The following NELL1 variants were observed in gnomAD, a reference collection of about 807,000 sequenced individuals.
NELL1 encodes the protein protein kinase C-binding protein NELL1.
NELL1 carries 76 observed loss-of-function variants against 107.4 expected under a neutral mutation model. The observed-to-expected ratio is 0.71, with a 90% CI of 0.59 to 0.86. NELL1 has a LOEUF of 0.86. NELL1 is among the 40% of genes least tolerant of loss of function. NELL1 has a pLI of 0.00. For synonymous variants in NELL1, 353 were observed against 341.2 expected, an observed-to-expected ratio of 1.03 and a Z score of -0.38; for missense variants, 1,024 against 1,005.5, an observed-to-expected ratio of 1.02 and a Z score of -0.25.
chr11:20,841,373 A>C (rs1459359293), intron 3 of NELL1, among the ~76,000 whole-genome samples: 6 of 150,496 alleles, frequency 4.0e-5, no homozygotes, highest in Non-Finnish European at 7.4e-5. Context: ...CCTAGATTCA[A>C]GGGAACTGGG....
intron 12 of NELL1, among the ~76,000 whole-genome samples, chr11:20,973,101 C>CTTTTTTTTTTTTT (rs761894107): frequency 5.4e-5 from 5 of 92,494 alleles, no homozygotes; most frequent in Admixed American, 1.2e-4. Context: ...ATCTTCATTA[C>CTTTTTTTTTTTTT]TTTTTTTTTT....
At chr11:20,777,350 T>A (rs1369550344) in intron 2 of NELL1, among the ~76,000 whole-genome samples, 1 of 152,264 alleles carries the variant, frequency 6.6e-6, no homozygotes, top group Non-Finnish European at 1.5e-5. Context: ...TTGATTTCTC[T>A]CATTCCGGCT....
intron 5 of NELL1, among the ~76,000 whole-genome samples, chr11:20,895,788 G>A (rs1849724100): frequency 6.6e-6 from 1 of 152,088 alleles, no homozygotes; most frequent in South Asian, 2.1e-4. Context: ...TTACAGGCCT[G>A]AGCCACTGCG....
chr11:20,882,946 A>G (rs1189770628), intron 4 of NELL1, among the ~76,000 whole-genome samples: 1 of 152,140 alleles, frequency 6.6e-6, no homozygotes, highest in East Asian at 1.9e-4. Flanking sequence ...CTGTCTTTCA[A>G]TTGAGGTTTA....
At chr11:21,129,874 G>A (rs1245059268) in intron 13 of NELL1, among the ~76,000 whole-genome samples, 1 of 152,122 alleles carries the variant, frequency 6.6e-6, no homozygotes, top group South Asian at 2.1e-4. Flanking sequence ...TAATACCACT[G>A]AATTGTGCAC....
Position 21,536,961 on chromosome 11 carries a change from C to T in NELL1, c.1786+2447C>T, listed in dbSNP as rs1258026648. On this transcript the variant is annotated intron_variant, in intron 16 of 19. Coordinates refer to ENST00000357134, the MANE Select transcript of NELL1 (RefSeq NM_006157.5). The stretch of plus-strand genomic sequence containing the variant: ...GTAAAATTCCTGCACTCTCAAGGAG[C>T]GTCTTTCTTCATCTACAACCTGATC... Among the ~76,000 whole-genome samples, 4 of 152,250 alleles carry T rather than the reference C, an allele frequency of 2.6e-5. No individual in the cohort carries two copies. In the South Asian group the frequency reaches 6.2e-4, roughly 24 times the overall value.
intron 13 of NELL1, among the ~76,000 whole-genome samples, chr11:21,218,842 A>T (rs1477541415): frequency 6.6e-6 from 1 of 152,202 alleles, no homozygotes; most frequent in Non-Finnish European, 1.5e-5. Context: ...ATTACTTTGT[A>T]GTATTCCATT....
intron 14 of NELL1, among the ~76,000 whole-genome samples, chr11:21,304,048 T>G (rs897374184): frequency 1.3e-5 from 2 of 152,058 alleles, no homozygotes; most frequent in African/African-American, 4.8e-5. Flanking sequence ...TTAATACTCT[T>G]GCACTGGGGA....
rs544751611 is a variant in NELL1, at chr11:21,160,843, C to CT, written c.1426+47136dup. Among the ~76,000 whole-genome samples the CT allele has an allele frequency of 3.9e-4, 59 of 152,026 alleles. No individual in the cohort carries two copies. In the South Asian group the frequency reaches 0.011, roughly 29 times the overall value. On this transcript the variant is annotated intron_variant, in intron 13 of 19. Coordinates refer to ENST00000357134, the MANE Select transcript of NELL1 (RefSeq NM_006157.5). ...GCTCAGCTACAAATGGTAAGGTCAC[C>CT]TTTTTTTACTCCCTGCATGTAATAC...
intron 15 of NELL1, among the ~76,000 whole-genome samples, chr11:21,423,086 C>A (rs1465545712): frequency 6.6e-6 from 1 of 151,902 alleles, no homozygotes; most frequent in African/African-American, 2.4e-5. Context: ...ATAAAAGGTG[C>A]CCAAGCGCAG....
At position 21,048,123 on chromosome 11, in the gene NELL1, G is replaced by A. The variant is rs547976383; in HGVS notation, c.1301-65466G>A. Among the ~76,000 whole-genome samples, 10 of 138,120 alleles carry A rather than the reference G, an allele frequency of 7.2e-5. No individual in the cohort carries two copies. In the East Asian group the frequency reaches 1.8e-3, roughly 25 times the overall value. The allele number at this position is 138,120 out of a possible 152,430, so 90.6% of individuals were successfully genotyped here. A position where few individuals can be genotyped will look rare whatever the true frequency, so the allele number is the denominator to read the frequency against. On this transcript the variant is annotated intron_variant, in intron 12 of 19. Coordinates refer to ENST00000357134, the MANE Select transcript of NELL1 (RefSeq NM_006157.5). ...AGTAGACCCAGTTATGACTTATTAGGAAACATCCATTTTTTTTTCCTTAAC... is the reference window on the plus strand; with the variant it reads ...AGTAGACCCAGTTATGACTTATTAGAAAACATCCATTTTTTTTTCCTTAAC...
chr11:20,813,919 T>C lies in NELL1; in HGVS notation c.335+30089T>C, dbSNP rs951296473. Among the ~76,000 whole-genome samples the C allele has an allele frequency of 3.9e-5, 6 of 151,986 alleles. No individual in the cohort carries two copies. The East Asian group carries it at 9.6e-4, about 24-fold the overall frequency. ...TTGTCTTTATCACAACCAAGATATG[T>C]AGGTATTTTTTAAAATTTCAACTTT... On this transcript the variant is annotated intron_variant, in intron 3 of 19. Transcript: ENST00000357134.
intron 15 of NELL1, among the ~76,000 whole-genome samples, chr11:21,515,787 T>G (rs948770226): frequency 6.6e-6 from 1 of 152,182 alleles, no homozygotes; most frequent in Non-Finnish European, 1.5e-5. Flanking sequence ...ACTTTGATTT[T>G]GAAGCCAGAA....
intron 7 of NELL1, among the ~76,000 whole-genome samples, chr11:20,920,405 T>G (rs1391068054): frequency 6.6e-6 from 1 of 152,094 alleles, no homozygotes; most frequent in South Asian, 2.1e-4. Flanking sequence ...TGTTTCTATT[T>G]CAAACTGGGT....
chr11:20,760,887 C>G (rs145140355), intron 2 of NELL1, among the ~76,000 whole-genome samples: 66 of 152,310 alleles, frequency 4.3e-4, no homozygotes, highest in African/African-American at 1.6e-3. Context: ...CACTTGGCCC[C>G]TTTGGAAAAT....
At chr11:21,521,568 A>G (rs184591954) in intron 15 of NELL1, among the ~76,000 whole-genome samples, 27 of 152,244 alleles carry the variant, frequency 1.8e-4, no homozygotes, top group African/African-American at 6.3e-4. Context: ...TAAAATCTCT[A>G]GATTTGTATT....
At chr11:20,699,152 G>A (rs1486755993) in intron 2 of NELL1, among the ~76,000 whole-genome samples, 2 of 151,420 alleles carry the variant, frequency 1.3e-5, no homozygotes, top group African/African-American at 2.4e-5. Context: ...AGGAGGCGGA[G>A]GTTGTAGATA....
At chr11:20,894,046 A>C (rs1262322944) in intron 5 of NELL1, among the ~76,000 whole-genome samples, 3 of 152,158 alleles carry the variant, frequency 2.0e-5, no homozygotes, top group African/African-American at 4.8e-5. Context: ...TGGCCTACTC[A>C]CTACAGTGTG....
At chr11:21,296,347 G>A (rs998207765) in intron 14 of NELL1, among the ~76,000 whole-genome samples, 2 of 151,810 alleles carry the variant, frequency 1.3e-5, no homozygotes, top group African/African-American at 4.8e-5. Flanking sequence ...TATTATTCCT[G>A]GGAGCGTAGT....
Sources: allele counts gnomAD v4.1 joint callset (sites outside exome capture counted in the v4.1 genomes callset), GRCh38; gene constraint gnomAD v4.1.1; transcripts MANE v1.5; gene names NCBI Gene and HGNC (gene_info 2026-07-23, HGNC 2026-07-21).